MDGA2: variants seen among roughly 807,000 people sequenced by gnomAD.
MDGA2 encodes MAM domain containing glycosylphosphatidylinositol anchor 2, also known as MAM domain-containing glycosylphosphatidylinositol anchor protein 2.
MDGA2 carries 40 observed loss-of-function variants against 117.8 expected under a neutral mutation model. The observed-to-expected ratio is 0.34, with a 90% confidence interval of 0.26 to 0.44. The LOEUF (loss-of-function observed/expected upper bound fraction) is 0.44. MDGA2 is among the 20% of genes least tolerant of loss of function. The pLI, the probability that MDGA2 is intolerant of heterozygous loss-of-function variation, is 1.00. For synonymous variants in MDGA2, 452 were observed against 439.0 expected (o/e 1.03, Z -0.37); for missense variants, 1,123 against 1,250.6 (o/e 0.90, Z 1.54).
intron 1 of MDGA2, among the ~76,000 whole-genome samples, chr14:47,430,294 T>C (rs556319822): frequency 6.6e-5 from 10 of 152,224 alleles, no homozygotes; most frequent in African/African-American, 1.9e-4. Context: ...TCAGAAATTA[T>C]AAACTAAAAG....
rs185559865 is a variant in MDGA2, at chr14:47,287,247, T to C, written c.420+14164A>G. Reference sequence around the variant, plus strand: ...AGCCTTTTAAACCAACCAAAGCTTTTGGGAAGAGGTGACAAATAAGGTGTT... The same window carrying C: ...AGCCTTTTAAACCAACCAAAGCTTTCGGGAAGAGGTGACAAATAAGGTGTT... On this transcript the variant is annotated intron_variant, in intron 2 of 16. Coordinates refer to ENST00000399232, the MANE Select transcript of MDGA2 (RefSeq NM_001113498.3). 2.2e-3 allele frequency among the ~76,000 whole-genome samples: 339 copies of C among 152,094 alleles called. 2 individuals are homozygous for C. Among genetic ancestry groups the C allele is most frequent in the African/African-American group, 7.6e-3 (315 of 41,504 alleles).
chr14:47,114,334 A>T (rs1331693274), intron 5 of MDGA2, among the ~76,000 whole-genome samples: 4 of 152,210 alleles, frequency 2.6e-5, no homozygotes, highest in Non-Finnish European at 1.5e-5. Flanking sequence ...ATATGGTGAA[A>T]ATGGTCATCC....
intron 1 of MDGA2, among the ~76,000 whole-genome samples, chr14:47,379,093 A>C (rs527537906): frequency 1.3e-5 from 2 of 152,346 alleles, no homozygotes; most frequent in Admixed American, 1.3e-4. Context: ...TTTTCAACCT[A>C]GAATTTCATA....
chr14:47,285,012 G>A (rs548109342), intron 2 of MDGA2, among the ~76,000 whole-genome samples: 2 of 152,192 alleles, frequency 1.3e-5, no homozygotes, highest in South Asian at 4.1e-4. Flanking sequence ...CACAATATTG[G>A]AACATTTACC....
intron 8 of MDGA2, among the ~76,000 whole-genome samples, chr14:46,976,924 T>A (rs1886482738): frequency 6.6e-6 from 1 of 151,906 alleles, no homozygotes; most frequent in African/African-American, 2.4e-5. Context: ...TTTAACAAGT[T>A]CATGCCTTGG....
chr14:46,863,288 C>A lies in MDGA2; in HGVS notation c.2753-8134G>T, dbSNP rs373607381. 5.6e-4 allele frequency among the ~76,000 whole-genome samples: 85 copies of A among 152,224 alleles called. 1 individual carries two copies. The South Asian group carries it at 0.017, about 31-fold the overall frequency. ...TCACCCACGCCATGGGCTTGTCCTA[C>A]ATTTTGATACATATTACTTTCTGAC... On this transcript the variant is annotated intron_variant, in intron 14 of 16. Coordinates refer to ENST00000399232, the MANE Select transcript of MDGA2 (RefSeq NM_001113498.3).
At chr14:46,876,350 C>T (rs1882228412) in intron 12 of MDGA2, among the ~76,000 whole-genome samples, 1 of 151,410 alleles carries the variant, frequency 6.6e-6, no homozygotes, top group Non-Finnish European at 1.5e-5. Flanking sequence ...TGTGCAAATA[C>T]ATTTATTCAT....
intron 1 of MDGA2, among the ~76,000 whole-genome samples, chr14:47,497,566 G>C (rs980316503): frequency 2.5e-4 from 38 of 152,210 alleles, no homozygotes; most frequent in African/African-American, 8.4e-4. Context: ...CCAATATTGA[G>C]TCTTTTAATA....
intron 3 of MDGA2, among the ~76,000 whole-genome samples, chr14:47,192,709 C>T (rs1014089838): frequency 6.6e-6 from 1 of 152,044 alleles, no homozygotes; most frequent in African/African-American, 2.4e-5. Flanking sequence ...GTTTACTGTA[C>T]AAAACTCTGT....
intron 2 of MDGA2, among the ~76,000 whole-genome samples, chr14:47,269,025 G>A (rs1275386891): frequency 6.6e-6 from 1 of 152,152 alleles, no homozygotes; most frequent in African/African-American, 2.4e-5. Flanking sequence ...TAATACCTGG[G>A]TAAAACTGAG....
chr14:47,618,425 G>C (rs1896986654), intron 1 of MDGA2, among the ~76,000 whole-genome samples: 1 of 152,100 alleles, frequency 6.6e-6, no homozygotes. Context: ...TGTCCATCAA[G>C]TCTGTGTGGA....
At chr14:47,550,237 G>C (rs1473167528) in intron 1 of MDGA2, among the ~76,000 whole-genome samples, 1 of 152,130 alleles carries the variant, frequency 6.6e-6, no homozygotes. Flanking sequence ...TTTATAAAAT[G>C]TCTTTCAAAG....
intron 1 of MDGA2, among the ~76,000 whole-genome samples, chr14:47,622,685 T>G (rs936719053): frequency 6.6e-6 from 1 of 152,216 alleles, no homozygotes; most frequent in African/African-American, 2.4e-5. Flanking sequence ...GTAGGGAAAC[T>G]GACCCATGGA....
At chr14:47,052,204 G>C (rs1369115812) in intron 7 of MDGA2, among the ~76,000 whole-genome samples, 2 of 150,420 alleles carry the variant, frequency 1.3e-5, no homozygotes, top group East Asian at 4.1e-4. Flanking sequence ...TAGTTTCTAT[G>C]TTCCCATTGC....
intron 1 of MDGA2, among the ~76,000 whole-genome samples, chr14:47,474,800 G>T (rs1463272266): frequency 6.6e-6 from 1 of 152,048 alleles, no homozygotes; most frequent in Non-Finnish European, 1.5e-5. Context: ...ATTGAAACTG[G>T]ACCCCTTCCT....
At position 47,124,303 on chromosome 14, in the gene MDGA2, A is replaced by G. The variant is rs142710750; in HGVS notation, c.925+7411T>C. 1.4e-3 allele frequency among the ~76,000 whole-genome samples: 214 copies of G among 152,234 alleles called. 1 individual carries two copies. Among genetic ancestry groups the G allele is most frequent in the African/African-American group, 4.2e-3 (174 of 41,568 alleles). On this transcript the variant is annotated intron_variant, in intron 5 of 16. Coordinates refer to ENST00000399232, the MANE Select transcript of MDGA2 (RefSeq NM_001113498.3). The stretch of plus-strand genomic sequence containing the variant: ...CTTTTGACGATGCTTTTAAAAATCC[A>G]TGATGTATAACAGGAGTGATATCTG...
intron 1 of MDGA2, among the ~76,000 whole-genome samples, chr14:47,647,746 G>A (rs1014186737): frequency 6.6e-6 from 1 of 152,046 alleles, no homozygotes; most frequent in African/African-American, 2.4e-5. Flanking sequence ...GTGTTTTATA[G>A]CTGTTTTAAA....
intron 10 of MDGA2, among the ~76,000 whole-genome samples, chr14:46,900,299 C>A (rs1350048741): frequency 2.0e-4 from 30 of 152,112 alleles, no homozygotes; most frequent in Admixed American, 2.0e-3. Context: ...AATAGTTTGG[C>A]AGTTTCTTTT....
chr14:47,195,017 C>G (rs954172951), intron 3 of MDGA2, among the ~76,000 whole-genome samples: 1 of 151,978 alleles, frequency 6.6e-6, no homozygotes. Context: ...GATTTAAACA[C>G]AAGTTCTCAC....
Sources: allele counts gnomAD v4.1 joint callset (sites outside exome capture counted in the v4.1 genomes callset), GRCh38; gene constraint gnomAD v4.1.1; transcripts MANE v1.5; gene names NCBI Gene and HGNC (gene_info 2026-07-23, HGNC 2026-07-21).